The following PXDNL variants were observed in gnomAD, a reference collection of about 807,000 sequenced individuals.
PXDNL encodes probable oxidoreductase PXDNL.
A neutral mutation model predicts 150.8 loss-of-function variants in PXDNL; 145 were observed. The ratio of observed to expected loss-of-function variants is 0.96; its 90% CI spans 0.84 to 1.10. The LOEUF is 1.10. Among genes scored for constraint, PXDNL ranks in the 50% least tolerant of loss-of-function variants. The pLI, the probability that PXDNL is intolerant of heterozygous loss-of-function variation, is 0.00. For synonymous variants in PXDNL, 757 were observed against 725.7 expected (o/e 1.04, Z -0.69); for missense variants, 2,087 against 1,873.9 (o/e 1.11, Z -2.10).
chr8:51,525,102 T>G (rs12708135), intron 4 of PXDNL, among the ~76,000 whole-genome samples: 94,064 of 151,162 alleles, frequency 0.62, 30,881 homozygotes, highest in Non-Finnish European at 0.74. Flanking sequence ...CTAGCTAAGT[T>G]TATGTGTCAC....
chr8:51,787,100 GAA>G (rs61051633), intron 1 of PXDNL, among the ~76,000 whole-genome samples: 2 of 140,984 alleles, frequency 1.4e-5, no homozygotes, highest in African/African-American at 2.6e-5. Flanking sequence ...CTACTTCCCA[GAA>G]AAAAAAAAAA....
intron 3 of PXDNL, among the ~76,000 whole-genome samples, chr8:51,558,096 C>T (rs937162174): frequency 6.6e-6 from 1 of 152,060 alleles, no homozygotes; most frequent in Non-Finnish European, 1.5e-5. Context: ...TTATAAGAAG[C>T]ATTGAGAAGT....
rs570101825 is a variant in PXDNL, at chr8:51,792,531, G to A, written c.164+16650C>T. On this transcript the variant is annotated intron_variant, in intron 1 of 22. Transcript: ENST00000356297. ...GACTGCCTAAAACTACCGAATTCCC[G>A]GCAGGAGAGGTGTTCATCATCACTG... 8.5e-4 allele frequency among the ~76,000 whole-genome samples: 130 copies of A among 152,326 alleles called. No homozygotes were observed. The Middle Eastern group carries it at 0.01, about 12-fold the overall frequency.
intron 5 of PXDNL, among the ~76,000 whole-genome samples, chr8:51,495,486 C>G (rs199807979): frequency 6.6e-6 from 1 of 152,090 alleles, no homozygotes. Context: ...ATCAATGAAT[C>G]CAGGAGCTGG....
intron 17 of PXDNL, among the ~76,000 whole-genome samples, chr8:51,393,051 C>T (rs1264817603): frequency 6.6e-6 from 1 of 152,138 alleles, no homozygotes; most frequent in African/African-American, 2.4e-5. Context: ...AGCCAGTCTC[C>T]TGTGTTTTCA....
chr8:51,607,745 C>T (rs775591582), intron 2 of PXDNL, among the ~76,000 whole-genome samples: 2 of 147,012 alleles, frequency 1.4e-5, no homozygotes, highest in African/African-American at 2.6e-5. Context: ...GAGGCTGAGG[C>T]AAGAGAATTG....
chr8:51,501,493 C>T lies in PXDNL; in HGVS notation c.381-1723G>A, dbSNP rs556227327. Among the ~76,000 whole-genome samples, 454 of 150,306 alleles carry T rather than the reference C, an allele frequency of 3.0e-3. 2 individuals carry two copies. The highest frequency in any genetic ancestry group is 4.2e-3 in the Non-Finnish European group (286 of 67,600). Reference sequence around the variant, plus strand: ...TACCACACTTACACTAACACACACACGGACACTCGTGCACACTCACACTTG... The same window carrying T: ...TACCACACTTACACTAACACACACATGGACACTCGTGCACACTCACACTTG... On this transcript the variant is annotated intron_variant, in intron 4 of 22. Transcript: ENST00000356297.
At chr8:51,420,602 T>A (rs1049879867) in intron 14 of PXDNL, among the ~76,000 whole-genome samples, 3 of 152,248 alleles carry the variant, frequency 2.0e-5, no homozygotes, top group Non-Finnish European at 4.4e-5. Context: ...TATAGCCTGT[T>A]TCAACACCAT....
intron 8 of PXDNL, among the ~76,000 whole-genome samples, chr8:51,467,494 G>A (rs919622477): frequency 2.0e-5 from 3 of 152,006 alleles, no homozygotes; most frequent in Admixed American, 6.6e-5. Flanking sequence ...GGACATAAGT[G>A]TTGAAAAACT....
At chr8:51,444,486 C>T (rs1270602402) in intron 12 of PXDNL, among the ~76,000 whole-genome samples, 1 of 152,090 alleles carries the variant, frequency 6.6e-6, no homozygotes, top group Non-Finnish European at 1.5e-5. Flanking sequence ...AGAGAACATT[C>T]CTTAAATAAA....
intron 1 of PXDNL, among the ~76,000 whole-genome samples, chr8:51,697,973 A>G (rs1427525357): frequency 1.3e-5 from 2 of 152,230 alleles, no homozygotes; most frequent in African/African-American, 4.8e-5. Context: ...GTGCAATAGC[A>G]CTGTGACTTT....
At chr8:51,733,190 A>G (rs985043087) in intron 1 of PXDNL, among the ~76,000 whole-genome samples, 2 of 152,216 alleles carry the variant, frequency 1.3e-5, no homozygotes, top group Non-Finnish European at 2.9e-5. Context: ...TAAGAGGAAA[A>G]GGAAAACCCT....
intron 4 of PXDNL, among the ~76,000 whole-genome samples, chr8:51,552,204 T>G (rs1432837360): frequency 2.0e-5 from 3 of 152,118 alleles, no homozygotes; most frequent in Admixed American, 6.5e-5. Flanking sequence ...TGGATGTGGT[T>G]AAAAAGGAAC....
At chr8:51,648,855 T>C (rs1814976210) in intron 2 of PXDNL, among the ~76,000 whole-genome samples, 1 of 152,226 alleles carries the variant, frequency 6.6e-6, no homozygotes, top group Admixed American at 6.5e-5. Context: ...GTTATAATGA[T>C]TTCATGTGTT....
chr8:51,455,240 G>GA (rs1809914274), intron 9 of PXDNL, among the ~76,000 whole-genome samples: 1 of 151,974 alleles, frequency 6.6e-6, no homozygotes, highest in African/African-American at 2.4e-5. Flanking sequence ...ATGCATGCAT[G>GA]GAACTAAATT....
intron 12 of PXDNL, among the ~76,000 whole-genome samples, chr8:51,441,439 A>T (rs1809546436): frequency 6.6e-6 from 1 of 152,158 alleles, no homozygotes; most frequent in Admixed American, 6.5e-5. Flanking sequence ...CCCTAGTTAG[A>T]TGTCTGCTTG....
chr8:51,768,373 A>C (rs10104368), intron 1 of PXDNL, among the ~76,000 whole-genome samples: 117,109 of 151,978 alleles, frequency 0.77, 49,156 homozygotes, highest in Non-Finnish European at 0.94. Context: ...TGTTCAAGGT[A>C]AACAGCTAGT....
At chr8:51,402,132 T>G (rs973859371) in intron 17 of PXDNL, among the ~76,000 whole-genome samples, 7 of 152,214 alleles carry the variant, frequency 4.6e-5, no homozygotes, top group East Asian at 1.9e-4. Context: ...TAAGAATTTT[T>G]TGTTAATTTG....
chr8:51,737,822 C>T (rs1817069702), intron 1 of PXDNL, among the ~76,000 whole-genome samples: 1 of 151,882 alleles, frequency 6.6e-6, no homozygotes, highest in Non-Finnish European at 1.5e-5. Flanking sequence ...ATTGCTCCTG[C>T]TGGCATGCTT....
Sources: gnomAD v4.1 joint callset for allele counts (sites outside exome capture counted in the v4.1 genomes callset) on GRCh38, gnomAD v4.1.1 for gene constraint, MANE v1.5 for transcripts, NCBI Gene and HGNC (gene_info 2026-07-23, HGNC 2026-07-21) for gene names.